Variants in EXOC4 observed in about 807,000 individuals in gnomAD.
EXOC4 encodes the protein exocyst complex component 4.
Under a neutral mutation model 107.2 loss-of-function variants are expected in EXOC4, and 71 were observed. That is an observed-to-expected ratio of 0.66 (90% CI 0.55 to 0.81). The LOEUF is 0.81. EXOC4 is among the 30% of genes least tolerant of loss of function. The probability of loss-of-function intolerance (pLI) is 0.00; values close to 1 mark genes in which losing one functional copy is unlikely to be tolerated. For missense variants in EXOC4, 1,108 were observed against 1,189.6 expected (o/e 0.93, Z 1.01); for synonymous variants, 456 against 441.2 (o/e 1.03, Z -0.42).
Position 133,374,976 on chromosome 7 carries a change from T to C in EXOC4, c.1156T>C (p.Trp386Arg). ...DIKLYDMADV[W>R]VKIQDVLQML... Reference sequence around the variant, plus strand: ...CAAACTGTATGATATGGCAGATGTATGGGTGAAGATCCAAGATGTTCTACA... The same window carrying C: ...CAAACTGTATGATATGGCAGATGTACGGGTGAAGATCCAAGATGTTCTACA... The change falls in exon 7 of 18, where the codon TGG becomes CGG. Residue 386 changes from tryptophan (W) to arginine (R), a missense_variant. Transcript: ENST00000253861. 1 of 1,613,806 alleles carries C rather than the reference T, an allele frequency of 6.2e-7. No homozygotes were observed. The highest frequency in any genetic ancestry group is 8.5e-7 in the Non-Finnish European group (1 of 1,179,926).
intron 10 of EXOC4, among the ~76,000 whole-genome samples, chr7:133,776,117 A>T (rs1330748435): frequency 6.6e-6 from 1 of 152,184 alleles, no homozygotes; most frequent in Non-Finnish European, 1.5e-5. Context: ...AGGGACTTCA[A>T]GTTGCAAGCA....
intron 17 of EXOC4, among the ~76,000 whole-genome samples, chr7:134,035,001 T>G (rs2346446): frequency 0.23 from 35,527 of 151,192 alleles, 4,657 homozygotes; most frequent in East Asian, 0.43. Context: ...TGGTTTGGGG[T>G]AAAGAAGGAG....
intron 7 of EXOC4, among the ~76,000 whole-genome samples, chr7:133,425,686 A>C (rs1305288482): frequency 1.3e-5 from 2 of 152,150 alleles, no homozygotes; most frequent in African/African-American, 4.8e-5. Context: ...CATTAACATC[A>C]ACACAGACTT....
intron 10 of EXOC4, among the ~76,000 whole-genome samples, chr7:133,792,033 T>C (rs757322943): frequency 1.3e-5 from 2 of 152,048 alleles, no homozygotes; most frequent in Non-Finnish European, 2.9e-5. Flanking sequence ...ACAGGTACCT[T>C]TGAGAATCTG....
intron 9 of EXOC4, among the ~76,000 whole-genome samples, chr7:133,627,857 C>T (rs989535745): frequency 2.0e-5 from 3 of 152,036 alleles, no homozygotes; most frequent in African/African-American, 4.8e-5. Context: ...CTTAAGAAAA[C>T]GTATGCTCTG....
chr7:133,262,267 G>T (rs1795171567), intron 1 of EXOC4, among the ~76,000 whole-genome samples: 1 of 152,204 alleles, frequency 6.6e-6, no homozygotes, highest in Admixed American at 6.5e-5. Context: ...ACTACAGGCT[G>T]AGGTGGGAGG....
chr7:133,294,127 A>C (rs924925557), intron 3 of EXOC4, among the ~76,000 whole-genome samples: 9 of 152,164 alleles, frequency 5.9e-5, no homozygotes, highest in Non-Finnish European at 8.8e-5. Flanking sequence ...TTTCATTATC[A>C]CTCAAAACAC....
chr7:133,920,183 T>C (rs1482746161), intron 13 of EXOC4, among the ~76,000 whole-genome samples: 1 of 152,220 alleles, frequency 6.6e-6, no homozygotes, highest in African/African-American at 2.4e-5. Flanking sequence ...TCTATATCTT[T>C]GGTGAAGTGT....
chr7:133,926,108 A>G (rs992376145), intron 13 of EXOC4, among the ~76,000 whole-genome samples: 3 of 152,068 alleles, frequency 2.0e-5, no homozygotes, highest in East Asian at 3.9e-4. Context: ...AGTCACAGCA[A>G]TAAGAGTGGT....
intron 12 of EXOC4, among the ~76,000 whole-genome samples, chr7:133,905,415 G>C (rs1409768038): frequency 6.6e-6 from 1 of 152,090 alleles, no homozygotes; most frequent in Non-Finnish European, 1.5e-5. Context: ...GGCTTAAAGG[G>C]AAACTCAGCT....
chr7:133,461,347 A>C (rs566591781), intron 7 of EXOC4, among the ~76,000 whole-genome samples: 2 of 152,186 alleles, frequency 1.3e-5, no homozygotes, highest in Non-Finnish European at 2.9e-5. Flanking sequence ...ATGAGAAGGT[A>C]TGTAACACAG....
chr7:133,632,791 T>G (rs1483540992), intron 10 of EXOC4, among the ~76,000 whole-genome samples: 4 of 151,864 alleles, frequency 2.6e-5, no homozygotes, highest in Admixed American at 2.6e-4. Flanking sequence ...CTTATTTTTA[T>G]GAGACTATGT....
chr7:134,043,119 T>C (rs996536874), intron 17 of EXOC4, among the ~76,000 whole-genome samples: 29 of 151,368 alleles, frequency 1.9e-4, no homozygotes, highest in African/African-American at 6.3e-4. Context: ...TTTTTAAATG[T>C]CATATATTCT....
chr7:133,714,682 A>G (rs1018398005), intron 10 of EXOC4, among the ~76,000 whole-genome samples: 3 of 152,200 alleles, frequency 2.0e-5, no homozygotes, highest in Non-Finnish European at 4.4e-5. Context: ...AGGTATTGTA[A>G]GTAACCTAGC....
At chr7:133,995,748 A>G (rs2116274272) in intron 14 of EXOC4, among the ~76,000 whole-genome samples, 1 of 152,232 alleles carries the variant, frequency 6.6e-6, no homozygotes, top group East Asian at 1.9e-4. Flanking sequence ...AATTTATTAG[A>G]GTCTGGTTCC....
intron 14 of EXOC4, among the ~76,000 whole-genome samples, chr7:133,988,654 T>C (rs545858641): frequency 1.3e-5 from 2 of 152,252 alleles, no homozygotes; most frequent in Admixed American, 1.3e-4. Context: ...GAAAAGACTT[T>C]CTGAGCCAGA....
intron 17 of EXOC4, among the ~76,000 whole-genome samples, chr7:134,051,388 T>C (rs1197265386): frequency 1.3e-5 from 2 of 152,122 alleles, no homozygotes; most frequent in East Asian, 1.9e-4. Context: ...TGTGGCTTCA[T>C]GGGGCCAGGC....
At chr7:133,261,330 G>A (rs1217383930) in intron 1 of EXOC4, among the ~76,000 whole-genome samples, 19 of 148,636 alleles carry the variant, frequency 1.3e-4, no homozygotes, top group African/African-American at 4.7e-4. Context: ...GCAGTAGTGT[G>A]ATCTCTGCTC....
At chr7:133,838,845 T>G (rs1797969613) in intron 11 of EXOC4, among the ~76,000 whole-genome samples, 1 of 152,236 alleles carries the variant, frequency 6.6e-6, no homozygotes, top group Non-Finnish European at 1.5e-5. Context: ...TGAATGAGCA[T>G]GGCTGCATTT....
Sources: gnomAD v4.1 joint callset for allele counts (sites outside exome capture counted in the v4.1 genomes callset) on GRCh38, gnomAD v4.1.1 for gene constraint, MANE v1.5 for transcripts, NCBI Gene and HGNC (gene_info 2026-07-23, HGNC 2026-07-21) for gene names.